The following TBRG4 variants were observed in gnomAD, a reference collection of about 807,000 sequenced individuals.
TBRG4 encodes transforming growth factor beta regulator 4, also known as FAST kinase domain-containing protein 4.
Under a neutral mutation model 65.6 loss-of-function variants are expected in TBRG4, and 43 were observed. The ratio of observed to expected loss-of-function variants is 0.66; its 90% CI spans 0.51 to 0.85. The LOEUF is 0.85. Among genes scored for constraint, TBRG4 ranks in the 40% least tolerant of loss-of-function variants. The probability of loss-of-function intolerance (pLI) is 0.00; values close to 1 mark genes in which losing one functional copy is unlikely to be tolerated. For missense variants in TBRG4, 709 were observed against 787.9 expected, an observed-to-expected ratio of 0.90 and a Z score of 1.20; for synonymous variants, 366 against 341.4, an observed-to-expected ratio of 1.07 and a Z score of -0.79.
chr7:45,108,759 C>T, intron 2 of TBRG4, 68 bp downstream of exon 2: 1 of 1,373,848 alleles, frequency 7.3e-7, no homozygotes, highest in Non-Finnish European at 9.8e-7. Context: ...GCACTGGCTG[C>T]TGTGGACCCC....
In TBRG4 at chr7:45,104,086, G is replaced by T; in HGVS notation, c.1065+13C>A. 6.3e-7 allele frequency: 1 copy of T among 1,587,676 alleles called. No homozygotes were observed. Among genetic ancestry groups the T allele is most frequent in the Non-Finnish European group, 8.6e-7 (1 of 1,167,022 alleles). On this transcript the variant is annotated intron_variant, in intron 5 of 10. Coordinates refer to ENST00000258770, the MANE Select transcript of TBRG4 (RefSeq NM_004749.4). ...AGCCAGCTTCTCTGAGTTGGGGCCA[G>T]GCCCTGGCTCACCTGGGCAAAGGCC...
intron 6 of TBRG4, chr7:45,102,811 G>A (rs1249590444): frequency 5.2e-6 from 2 of 386,498 alleles, no homozygotes. Flanking sequence ...ATGTCTCCAA[G>A]TGAGCACCTG....
chr7:45,107,291 G>A (rs1784988926), intron 2 of TBRG4: 1 of 152,220 alleles, frequency 6.6e-6, no homozygotes. Context: ...TTTCTACATA[G>A]TTCTGGGTCC....
At chr7:45,102,589 T>C in intron 6 of TBRG4, 98 bp from the exon 7 acceptor site, 1 of 1,519,616 alleles carries the variant, frequency 6.6e-7, no homozygotes, top group Non-Finnish European at 8.8e-7. Flanking sequence ...CTTGGCCTGG[T>C]TGGGATGAGG....
rs767481130 is a variant in TBRG4, at chr7:45,109,147, G to A, written c.91C>T (p.Leu31Phe). 4 of 1,614,186 alleles carry A rather than the reference G, an allele frequency of 2.5e-6. No individual in the cohort carries two copies. The highest frequency in any genetic ancestry group is 3.4e-6 in the Non-Finnish European group (4 of 1,180,016). The change falls in exon 2 of 11, where the codon CTT (leucine) becomes TTT (phenylalanine). Residue 31 changes from leucine (L) to phenylalanine (F), a missense_variant. By Grantham distance (22) the Leu-to-Phe change is conservative. Coordinates refer to ENST00000258770, the MANE Select transcript of TBRG4 (RefSeq NM_004749.4). ...PAMAPVGRLR[L>F]AWVAHKTLTS... ...AGAGTCTTATGGGCTACCCAGGCAA[G>A]TCTCAGTCGGCCAACTGGAGCCATG...
rs959655187 is a variant in TBRG4 at position 45,109,121 on chromosome 7, C to CA, written c.116dup (p.Thr40AspfsTer74). ...AAATGGGTGAGGTGGCTGAGGAAGT[C>CA]AGAGTCTTATGGGCTACCCAGGCAA... On this transcript the variant is annotated frameshift_variant, in exon 2 of 11. Coordinates refer to ENST00000258770, the MANE Select transcript of TBRG4 (RefSeq NM_004749.4). LOFTEE classifies it high-confidence loss of function. 6.2e-7 allele frequency: 1 copy of CA among 1,614,078 alleles called. No homozygotes were observed. The highest frequency in any genetic ancestry group is 1.3e-5 in the African/African-American group (1 of 74,946).
chr7:45,100,868 T>G (rs1473574203), intron 10 of TBRG4, among the ~76,000 whole-genome samples: 1 of 152,234 alleles, frequency 6.6e-6, no homozygotes, highest in African/African-American at 2.4e-5. Context: ...TTTCTGCTCC[T>G]GCCAGTTCCA....
At position 45,103,336 on chromosome 7, in the gene TBRG4, G is replaced by A. The variant is rs1784830394; in HGVS notation, c.1173C>T (p.Ser391=). The change falls in exon 6 of 11, where the codon AGC becomes AGT. Residue 391 remains serine (S), a synonymous_variant. Transcript: ENST00000258770. The part of the protein sequence containing the change: ...FHPDQEDQFF[S]LVHEKLGSEL... Reference sequence around the variant, plus strand: ...AGTGGGAGCCCAGAGGCCCTACCAGGCTGAAGAACTGATCCTCTTGGTCTG... The same window carrying A: ...AGTGGGAGCCCAGAGGCCCTACCAGACTGAAGAACTGATCCTCTTGGTCTG... 2 of 1,611,890 alleles carry A rather than the reference G, an allele frequency of 1.2e-6. No homozygotes were observed. The highest frequency in any genetic ancestry group is 1.3e-5 in the African/African-American group (1 of 74,848).
At chr7:45,111,507 C>G (rs1186561016) in intron 1 of TBRG4, 136 bp downstream of exon 1, 1 of 1,077,338 alleles carries the variant, frequency 9.3e-7, no homozygotes, top group African/African-American at 1.6e-5. Flanking sequence ...GAGCAGACGG[C>G]CAGGCCCACG....
chr7:45,105,614 C>T lies in TBRG4; in HGVS notation c.562G>A (p.Ala188Thr). Reference sequence around the variant, plus strand: ...TGTGAGAGGGTGGCACAGGACTCTGCCAGGAAGGCCAGGTGCTTGTACTTG... The same window carrying T: ...TGTGAGAGGGTGGCACAGGACTCTGTCAGGAAGGCCAGGTGCTTGTACTTG... ...KLKYKHLAFLAESCATLSQEQ... is the reference protein window; with the variant it reads ...KLKYKHLAFLTESCATLSQEQ... Residue 188 changes from alanine (A) to threonine (T), a missense_variant, in exon 3 of 11, where the codon GCA (alanine) becomes ACA (threonine). Coordinates refer to ENST00000258770, the MANE Select transcript of TBRG4 (RefSeq NM_004749.4). 6.2e-7 allele frequency: 1 copy of T among 1,614,150 alleles called. No individual in the cohort carries two copies. The highest frequency in any genetic ancestry group is 1.6e-4 in the Middle Eastern group (1 of 6,062).
chr7:45,101,085 GGCTGGAGCA>G (rs1784748766), intron 10 of TBRG4, among the ~76,000 whole-genome samples, 164 bp downstream of exon 10: 1 of 152,244 alleles, frequency 6.6e-6, no homozygotes, highest in Non-Finnish European at 1.5e-5. Flanking sequence ...TTAGAGGGGA[GGCTGGAGCA>G]GCTAGGATCC....
Position 45,102,411 on chromosome 7 carries a change from C to A in TBRG4, c.1257G>T (p.Leu419=). 2 of 1,614,004 alleles carry A rather than the reference C, an allele frequency of 1.2e-6. No homozygotes were observed. Among genetic ancestry groups the A allele is most frequent in the Non-Finnish European group, 1.7e-6 (2 of 1,180,034 alleles). ...QVDLVWALCV[L]QQAREAELQA... is the part of the protein sequence containing the mutation. ...GCAGCTCTGCTTCCCGTGCCTGCTG[C>A]AGCACACACAGGGCCCACACCAGGT... is the stretch of plus-strand genomic sequence containing the variant. Residue 419 remains leucine, a synonymous_variant, in exon 7 of 11, where the codon CTG becomes CTT. Coordinates refer to ENST00000258770, the MANE Select transcript of TBRG4 (RefSeq NM_004749.4).
rs1784881911 is a variant in TBRG4, at chr7:45,104,703, C to A, written c.742G>T (p.Glu248Ter). 6.2e-7 allele frequency: 1 copy of A among 1,613,498 alleles called. No individual in the cohort carries two copies. The highest frequency in any genetic ancestry group is 1.3e-5 in the African/African-American group (1 of 74,936). ...TTGGGGCCAAAGTGCTCCACCAACT[C>A]CAGGCACTGTCAACCACAGCCGCGC... ...LMNRLEDKCLELVEHFGPNEL... is the reference protein window; with the variant it reads ...LMNRLEDKCL Residue 248 changes from glutamate (E) to a stop codon, truncating the protein, a stop_gained, in exon 4 of 11, where the codon GAG becomes TAG. Coordinates refer to ENST00000258770, the MANE Select transcript of TBRG4 (RefSeq NM_004749.4). LOFTEE classifies it high-confidence loss of function.
rs768823986 is a variant in TBRG4 at position 45,101,559 on chromosome 7, C to T, written c.1623G>A (p.Val541=). The T allele has an allele frequency of 6.2e-7, 1 of 1,613,872 alleles. No homozygotes were observed. Among genetic ancestry groups the T allele is most frequent in the African/African-American group, 1.3e-5 (1 of 75,062 alleles). ...CAGTTGGCTGGGCAAGGTGAGGTGCCACAAAGTCCCTTACGGGCAGAAACT... is the reference window on the plus strand; with the variant it reads ...CAGTTGGCTGGGCAAGGTGAGGTGCTACAAAGTCCCTTACGGGCAGAAACT... ...DGEFLPVRDF[V]APHLAQPTGS... Residue 541 remains valine, a synonymous_variant, in exon 9 of 11, where the codon GTG becomes GTA. Coordinates refer to ENST00000258770, the MANE Select transcript of TBRG4 (RefSeq NM_004749.4).
At position 45,102,376 on chromosome 7, in the gene TBRG4, A is replaced by C. The variant is rs1784794225; in HGVS notation, c.1292T>G (p.Leu431Arg). 6.2e-7 allele frequency: 1 copy of C among 1,614,098 alleles called. No individual in the cohort carries two copies. Among genetic ancestry groups the C allele is most frequent in the Non-Finnish European group, 8.5e-7 (1 of 1,180,020 alleles). The change falls in exon 7 of 11, where the codon CTC becomes CGC. Residue 431 changes from leucine to arginine, a missense_variant. Physicochemically the swap from Leu to Arg is moderately radical, Grantham distance 102. Transcript: ENST00000258770. ...QAREAELQAV[L>R]HPEFHIQFLG... ...AAATTGGATGTGAAATTCAGGGTGGAGGACGGCTTGCAGCTCTGCTTCCCG... is the reference window on the plus strand; with the variant it reads ...AAATTGGATGTGAAATTCAGGGTGGCGGACGGCTTGCAGCTCTGCTTCCCG...
intron 2 of TBRG4, chr7:45,107,032 C>A (rs1214706847): frequency 1.3e-5 from 2 of 152,230 alleles, no homozygotes; most frequent in South Asian, 2.1e-4. Context: ...GGGAGGAGCA[C>A]CCCAGGCACA....
Position 45,100,252 on chromosome 7 carries a change from AG to A in TBRG4, c.*72del, listed in dbSNP as rs1459979460. 3.8e-6 allele frequency: 5 copies of A among 1,316,980 alleles called. No homozygotes were observed. In the African/African-American group the frequency reaches 7.2e-5, roughly 19 times the overall value. The allele number at this position is 1,316,980 out of a possible 1,614,324, so 81.6% of individuals were successfully genotyped here. A position where few individuals can be genotyped will look rare whatever the true frequency, so the allele number is the denominator to read the frequency against. ...GGTCCTGCACAGAGGTTTGTCCTCA[AG>A]GGTGACCCTTCTTGGCCGCCCACAG... is the stretch of plus-strand genomic sequence containing the variant. On this transcript the variant is annotated 3_prime_UTR_variant, in exon 11 of 11. Coordinates refer to ENST00000258770, the MANE Select transcript of TBRG4 (RefSeq NM_004749.4).
At position 45,104,207 on chromosome 7, in the gene TBRG4, G is replaced by A; in HGVS notation, c.957C>T (p.Asp319=). The change falls in exon 5 of 11, where the codon GAC becomes GAT. Residue 319 remains aspartate (D), a synonymous_variant. Transcript: ENST00000258770. ...TCAGGCTGGGCATGAGGGATAGCAG[G>A]TCGGTGGCCAGGCGCTGGGACACCT... ...QTQVSQRLAT[D]LLSLMPSLTS... 1 of 1,614,164 alleles carries A rather than the reference G, an allele frequency of 6.2e-7. No homozygotes were observed. Among genetic ancestry groups the A allele is most frequent in the Non-Finnish European group, 8.5e-7 (1 of 1,180,038 alleles).
rs568447003 is a variant in TBRG4, at chr7:45,110,502, T to C, written c.-51+1141A>G. ...TAACACGGTGAAACACCGTCTCTAC[T>C]AAAAATACAAAAAAATTAGCCGGGC... On this transcript the variant is annotated intron_variant, in intron 1 of 10. Coordinates refer to ENST00000258770, the MANE Select transcript of TBRG4 (RefSeq NM_004749.4). Among the ~76,000 whole-genome samples the C allele has an allele frequency of 4.6e-5, 7 of 151,918 alleles. No individual in the cohort carries two copies. The South Asian group carries it at 1.2e-3, about 27-fold the overall frequency.
Sources: allele counts gnomAD v4.1 joint callset (sites outside exome capture counted in the v4.1 genomes callset), GRCh38; gene constraint gnomAD v4.1.1; transcripts MANE v1.5; gene names NCBI Gene and HGNC (gene_info 2026-07-23, HGNC 2026-07-21).